PRKCE: variants seen among roughly 807,000 people sequenced by gnomAD.
PRKCE encodes the protein protein kinase C epsilon, also known as protein kinase C epsilon type.
Under a neutral mutation model 85.4 loss-of-function variants are expected in PRKCE, and 16 were observed. The observed-to-expected ratio is 0.19, with a 90% CI of 0.13 to 0.28. PRKCE has a LOEUF of 0.28. Among genes scored for constraint, PRKCE ranks in the 10% least tolerant of loss-of-function variants. The pLI is 1.00. For synonymous variants in PRKCE, 388 were observed against 371.5 expected (o/e 1.04, Z -0.51); for missense variants, 573 against 975.2 (o/e 0.59, Z 5.49).
intron 2 of PRKCE, among the ~76,000 whole-genome samples, chr2:45,932,988 T>A (rs1395249678): frequency 2.6e-5 from 4 of 152,272 alleles, no homozygotes; most frequent in African/African-American, 9.6e-5. Flanking sequence ...TATTCCATTA[T>A]ATCTATAATA....
chr2:45,884,980 TA>T lies in PRKCE; in HGVS notation c.412+41918del, dbSNP rs56152449. On this transcript the variant is annotated intron_variant, in intron 2 of 14. Coordinates refer to ENST00000306156, the MANE Select transcript of PRKCE (RefSeq NM_005400.3). The stretch of plus-strand genomic sequence containing the variant: ...ATATATATATATATATATATATATA[TA>T]TATATATATATATATATATATTTGT... Among the ~76,000 whole-genome samples, 228 of 66,510 alleles carry T rather than the reference TA, an allele frequency of 3.4e-3. 11 individuals are homozygous for T. The highest frequency in any genetic ancestry group is 8.5e-3 in the African/African-American group (197 of 23,230). The allele number at this position is 66,510 out of a possible 152,430, so 43.6% of individuals were successfully genotyped here.
At chr2:46,104,454 C>G (rs1331260926) in intron 11 of PRKCE, among the ~76,000 whole-genome samples, 1 of 152,016 alleles carries the variant, frequency 6.6e-6, no homozygotes, top group African/African-American at 2.4e-5. Flanking sequence ...TTTTCTAGAA[C>G]AAGGATGGCA....
chr2:45,938,765 T>A (rs1182159424), intron 2 of PRKCE, among the ~76,000 whole-genome samples: 1 of 152,198 alleles, frequency 6.6e-6, no homozygotes, highest in Non-Finnish European at 1.5e-5. Context: ...AGAAAGCTTA[T>A]ATTTACAAAG....
At chr2:45,957,729 A>C (rs1369298220) in intron 2 of PRKCE, among the ~76,000 whole-genome samples, 1 of 151,996 alleles carries the variant, frequency 6.6e-6, no homozygotes, top group African/African-American at 2.4e-5. Context: ...TGGGCAATAT[A>C]GCAAGACCCC....
chr2:45,917,022 A>T (rs1697840987), intron 2 of PRKCE, among the ~76,000 whole-genome samples: 1 of 152,130 alleles, frequency 6.6e-6, no homozygotes, highest in Admixed American at 6.5e-5. Flanking sequence ...GTGAAAGAAC[A>T]AACCTTCCAC....
intron 11 of PRKCE, among the ~76,000 whole-genome samples, chr2:46,122,028 T>G (rs138241342): frequency 4.8e-4 from 73 of 152,156 alleles, no homozygotes; most frequent in African/African-American, 1.7e-3. Context: ...GAGTGCACAG[T>G]TCTTAGATAT....
chr2:45,766,767 C>T (rs1166090109), intron 1 of PRKCE, among the ~76,000 whole-genome samples: 4 of 152,174 alleles, frequency 2.6e-5, no homozygotes, highest in Non-Finnish European at 5.9e-5. Context: ...GGGCCGGGCA[C>T]GGAGGCTCAT....
chr2:46,064,879 A>G lies in PRKCE; in HGVS notation c.1438-21329A>G, dbSNP rs186897248. 2.0e-5 allele frequency among the ~76,000 whole-genome samples: 3 copies of G among 152,106 alleles called. No homozygotes were observed. In the East Asian group the frequency reaches 5.8e-4, roughly 29 times the overall value. On this transcript the variant is annotated intron_variant, in intron 10 of 14. Coordinates refer to ENST00000306156, the MANE Select transcript of PRKCE (RefSeq NM_005400.3). ...CGTCCTTTCATGTGGGTGTGGGGAG[A>G]AAAGGACTGGGGCAGTGGGAAAGGG... is the stretch of plus-strand genomic sequence containing the variant.
At chr2:45,714,062 C>G (rs956320495) in intron 1 of PRKCE, among the ~76,000 whole-genome samples, 2 of 152,180 alleles carry the variant, frequency 1.3e-5, no homozygotes, top group Non-Finnish European at 2.9e-5. Flanking sequence ...ATTTCATGAA[C>G]AGAGCATTTT....
intron 2 of PRKCE, among the ~76,000 whole-genome samples, chr2:45,888,302 A>G (rs1471647111): frequency 6.6e-6 from 1 of 152,156 alleles, no homozygotes; most frequent in Non-Finnish European, 1.5e-5. Context: ...TTGGGGAAAC[A>G]ATATGTTAAG....
At chr2:45,795,814 G>A (rs143590638) in intron 1 of PRKCE, among the ~76,000 whole-genome samples, 12 of 152,216 alleles carry the variant, frequency 7.9e-5, no homozygotes, top group South Asian at 2.1e-4. Context: ...AGGTGGCCAG[G>A]AGCAGAGCAG....
At chr2:45,732,306 C>G (rs1304271695) in intron 1 of PRKCE, among the ~76,000 whole-genome samples, 1 of 152,140 alleles carries the variant, frequency 6.6e-6, no homozygotes, top group Non-Finnish European at 1.5e-5. Context: ...ATTTTAAGTA[C>G]ATTCTACCCA....
rs532087235 is a variant in PRKCE, at chr2:45,962,700, C to T, written c.413-13729C>T. Among the ~76,000 whole-genome samples the T allele has an allele frequency of 2.0e-4, 30 of 152,194 alleles. No homozygotes were observed. In the South Asian group the frequency reaches 5.2e-3, roughly 26 times the overall value. On this transcript the variant is annotated intron_variant, in intron 2 of 14. Transcript: ENST00000306156. ...AGAGGAGTTGCCAAGCCTTAAGGCC[C>T]GAATAACTGGGAATCTGGCAAATTT...
chr2:45,722,633 C>T (rs1336269087), intron 1 of PRKCE, among the ~76,000 whole-genome samples: 1 of 152,180 alleles, frequency 6.6e-6, no homozygotes, highest in Non-Finnish European at 1.5e-5. Flanking sequence ...CTTCCTGGAG[C>T]CATTGTGTGG....
chr2:45,855,561 T>G (rs1289401836), intron 2 of PRKCE, among the ~76,000 whole-genome samples: 1 of 152,178 alleles, frequency 6.6e-6, no homozygotes. Flanking sequence ...TAAAACACAG[T>G]GCATCGGTGT....
At chr2:45,875,581 A>G (rs1466786004) in intron 2 of PRKCE, among the ~76,000 whole-genome samples, 1 of 152,210 alleles carries the variant, frequency 6.6e-6, no homozygotes, top group Admixed American at 6.5e-5. Flanking sequence ...CTTGTATAGA[A>G]GAGGGATTGA....
chr2:46,037,396 T>G (rs1461829388), intron 10 of PRKCE, among the ~76,000 whole-genome samples: 1 of 152,172 alleles, frequency 6.6e-6, no homozygotes, highest in Non-Finnish European at 1.5e-5. Context: ...ATTAGCCCTG[T>G]GTGAGAAAGC....
intron 1 of PRKCE, among the ~76,000 whole-genome samples, chr2:45,664,727 G>C (rs1035093508): frequency 6.6e-6 from 1 of 152,184 alleles, no homozygotes; most frequent in Admixed American, 6.5e-5. Flanking sequence ...GCTCCCTTTT[G>C]TGTATTTGAA....
intron 10 of PRKCE, among the ~76,000 whole-genome samples, chr2:46,085,289 A>G (rs1669485661): frequency 6.6e-6 from 1 of 152,208 alleles, no homozygotes; most frequent in Non-Finnish European, 1.5e-5. Flanking sequence ...TGGAAGGAAT[A>G]TCCTCCAAAG....
Sources: gnomAD v4.1 joint callset for allele counts (sites outside exome capture counted in the v4.1 genomes callset) on GRCh38, gnomAD v4.1.1 for gene constraint, MANE v1.5 for transcripts, NCBI Gene and HGNC (gene_info 2026-07-23, HGNC 2026-07-21) for gene names.